SLC2A12: variants seen among roughly 807,000 people sequenced by gnomAD.
The protein encoded by SLC2A12 is solute carrier family 2 member 12.
A neutral mutation model predicts 41.8 loss-of-function variants in SLC2A12; 23 were observed. The observed-to-expected ratio is 0.55, with a 90% CI of 0.40 to 0.78. SLC2A12 has a LOEUF of 0.78. SLC2A12 is among the 30% of genes least tolerant of loss of function. SLC2A12 has a pLI of 0.00. For synonymous variants in SLC2A12, 295 were observed against 285.9 expected (o/e 1.03, Z -0.32); for missense variants, 654 against 745.6 (o/e 0.88, Z 1.43).
At position 134,028,413 on chromosome 6, in the gene SLC2A12, T is replaced by C. The variant is rs187872602; in HGVS notation, c.1412A>G (p.Tyr471Cys). The C allele has an allele frequency of 3.4e-5, 55 of 1,613,432 alleles. No individual in the cohort carries two copies. The Admixed American group carries it at 6.5e-4, about 19-fold the overall frequency. ...TAGACCAATTGAAAAAGCAGCAACA[T>C]AAACAAGCAAGCTGGCTAAGGACAG... is the stretch of plus-strand genomic sequence containing the variant. The part of the protein sequence containing the change: ...KWLSLASLLV[Y>C]VAAFSIGLGP... Residue 471 changes from tyrosine to cysteine, a missense_variant, in exon 2 of 5, where the codon TAT (tyrosine) becomes TGT (cysteine). Around this residue, in one of 3 missense-constraint regions of SLC2A12, gnomAD observed 134 missense variants for 180.5 expected, o/e 0.74. Transcript: ENST00000275230.
intron 2 of SLC2A12, among the ~76,000 whole-genome samples, chr6:134,008,044 C>A (rs1776835936): frequency 6.6e-6 from 1 of 152,190 alleles, no homozygotes; most frequent in Non-Finnish European, 1.5e-5. Context: ...TGGCCCTGCC[C>A]CAGCTCAGGC....
At chr6:133,997,827 G>T (rs1205762135) in intron 4 of SLC2A12, among the ~76,000 whole-genome samples, 1 of 152,080 alleles carries the variant, frequency 6.6e-6, no homozygotes, top group African/African-American at 2.4e-5. Context: ...AATTCTGAAA[G>T]CACCTTTTCC....
At chr6:134,023,170 A>G (rs1385820365) in intron 2 of SLC2A12, among the ~76,000 whole-genome samples, 3 of 152,086 alleles carry the variant, frequency 2.0e-5, no homozygotes, top group Non-Finnish European at 2.9e-5. Flanking sequence ...AGAGTTGGTC[A>G]CTCATTTTAG....
At position 134,029,277 on chromosome 6, in the gene SLC2A12, T is replaced by C. The variant is rs955594511; in HGVS notation, c.548A>G (p.Tyr183Cys). The C allele has an allele frequency of 3.1e-6, 5 of 1,614,060 alleles. No individual in the cohort carries two copies. The African/African-American group carries it at 5.3e-5, about 17-fold the overall frequency. ...ATTGGCAAATGCGTAATTTGAAATA[T>C]AGGCAGAAAGAATGCCGATGACAAT... ...LMIVIGILSAYISNYAFANVF... is the reference protein window; with the variant it reads ...LMIVIGILSACISNYAFANVF... The change falls in exon 2 of 5, where the codon TAT becomes TGT. Residue 183 changes from tyrosine to cysteine, a missense_variant. Transcript: ENST00000275230.
intron 4 of SLC2A12, among the ~76,000 whole-genome samples, chr6:133,999,990 T>A (rs141807332): frequency 6.6e-6 from 1 of 152,318 alleles, no homozygotes; most frequent in Non-Finnish European, 1.5e-5. Flanking sequence ...TCTGAGGCCA[T>A]TGATTATTTA....
At chr6:134,046,922 A>C (rs1777462797) in intron 1 of SLC2A12, among the ~76,000 whole-genome samples, 1 of 152,180 alleles carries the variant, frequency 6.6e-6, no homozygotes, top group Non-Finnish European at 1.5e-5. Context: ...AAACAAAATA[A>C]TACAGAAAAA....
chr6:134,033,549 A>T (rs527558512), intron 1 of SLC2A12, among the ~76,000 whole-genome samples: 1 of 152,074 alleles, frequency 6.6e-6, no homozygotes, highest in South Asian at 2.1e-4. Context: ...TGATATTCTG[A>T]TTGGAGAAAT....
At chr6:134,001,286 G>C (rs1776751273) in intron 4 of SLC2A12, among the ~76,000 whole-genome samples, 1 of 152,034 alleles carries the variant, frequency 6.6e-6, no homozygotes, top group Non-Finnish European at 1.5e-5. Context: ...AATATCACCT[G>C]TTCCCCAAAA....
chr6:133,992,350 C>A (rs929664354), intron 4 of SLC2A12, among the ~76,000 whole-genome samples: 1 of 152,040 alleles, frequency 6.6e-6, no homozygotes, highest in Non-Finnish European at 1.5e-5. Flanking sequence ...TCTCAGTGAA[C>A]TAAAAAGCAA....
Position 134,006,871 on chromosome 6 carries a change from G to T in SLC2A12, c.1508C>A (p.Thr503Asn), listed in dbSNP as rs1468578432. 6.2e-7 allele frequency: 1 copy of T among 1,614,200 alleles called. No individual in the cohort carries two copies. Among genetic ancestry groups the T allele is most frequent in the East Asian group, 2.2e-5 (1 of 44,878 alleles). The change falls in exon 3 of 5, where the codon ACT becomes AAT. Residue 503 changes from threonine (T) to asparagine (N), a missense_variant. Transcript: ENST00000275230. ...ATTGATGCCCCAGTTCATGCTAGAA[G>T]TTAAAGCCATGGCTCGTCCTCTGAT... The part of the protein sequence containing the change: ...GGIRGRAMAL[T>N]SSMNWGINLL...
At chr6:134,019,717 A>C (rs757094083) in intron 2 of SLC2A12, among the ~76,000 whole-genome samples, 1 of 152,204 alleles carries the variant, frequency 6.6e-6, no homozygotes, top group Non-Finnish European at 1.5e-5. Flanking sequence ...AATATTTTAA[A>C]TGCATTCTAG....
chr6:134,029,152 C>A lies in SLC2A12; in HGVS notation c.673G>T (p.Val225Leu), dbSNP rs202023228. 81 of 1,613,974 alleles carry A rather than the reference C, an allele frequency of 5.0e-5. No individual in the cohort carries two copies. Among genetic ancestry groups the A allele is most frequent in the Non-Finnish European group, 5.2e-5 (61 of 1,180,046 alleles). Residue 225 changes from valine (V) to leucine (L), a missense_variant, in exon 2 of 5, where the codon GTG becomes TTG. Val to Leu is a conservative substitution (Grantham distance 32). Transcript: ENST00000275230. ...YFLPPSPRFL[V>L]MKGQEGAASK... ...GCAGCTCCCTCTTGTCCTTTCATCA[C>A]CAGAAACCGAGGGCTTGGAGGAAGA...
intron 4 of SLC2A12, among the ~76,000 whole-genome samples, chr6:133,997,891 A>C (rs1382293331): frequency 6.6e-6 from 1 of 152,228 alleles, no homozygotes; most frequent in Non-Finnish European, 1.5e-5. Context: ...AGGGATTACT[A>C]CTGCTGTAAT....
At chr6:133,994,279 A>G (rs962071239) in intron 4 of SLC2A12, among the ~76,000 whole-genome samples, 6 of 152,194 alleles carry the variant, frequency 3.9e-5, no homozygotes, top group African/African-American at 1.4e-4. Context: ...TAGGTTTGAG[A>G]ACATCACAGG....
At chr6:134,023,505 G>A (rs903177081) in intron 2 of SLC2A12, among the ~76,000 whole-genome samples, 4 of 152,142 alleles carry the variant, frequency 2.6e-5, no homozygotes, top group Non-Finnish European at 5.9e-5. Flanking sequence ...GAGGGGGAAA[G>A]GTTTAGTACT....
chr6:134,040,275 C>T (rs1326532091), intron 1 of SLC2A12, among the ~76,000 whole-genome samples: 2 of 151,484 alleles, frequency 1.3e-5, no homozygotes, highest in African/African-American at 4.9e-5. Flanking sequence ...GATGGGGTTT[C>T]ATCATGTTGC....
rs188653880 is a variant in SLC2A12 at position 134,033,817 on chromosome 6, C to T, written c.104-4096G>A. Among the ~76,000 whole-genome samples, 278 of 152,226 alleles carry T rather than the reference C, an allele frequency of 1.8e-3. 2 individuals carry two copies. Among genetic ancestry groups the T allele is most frequent in the African/African-American group, 6.2e-3 (257 of 41,530 alleles). On this transcript the variant is annotated intron_variant, in intron 1 of 4. Transcript: ENST00000275230. ...AAGATGCCTTGAGATGCAGGAGTCC[C>T]TTCCTTCTGTGCTCCATTATCTTAC... is the stretch of plus-strand genomic sequence containing the variant.
At chr6:133,991,734 A>G (rs1484416969) in intron 4 of SLC2A12, among the ~76,000 whole-genome samples, 1 of 152,218 alleles carries the variant, frequency 6.6e-6, no homozygotes, top group Non-Finnish European at 1.5e-5. Context: ...GCATAAAAAG[A>G]TGCTATTGTA....
Position 134,037,900 on chromosome 6 carries a change from G to T in SLC2A12, c.104-8179C>A, listed in dbSNP as rs370040122. ...ATGTCCCAGGGAGAGTTCTGGTGTG[G>T]TGTTTCCAGCCCACCAAATGTCCAA... On this transcript the variant is annotated intron_variant, in intron 1 of 4. Transcript: ENST00000275230. Among the ~76,000 whole-genome samples the T allele has an allele frequency of 1.1e-4, 17 of 152,262 alleles. No individual in the cohort carries two copies. The South Asian group carries it at 2.1e-3, about 19-fold the overall frequency.
Sources: gnomAD v4.1 joint callset for allele counts (sites outside exome capture counted in the v4.1 genomes callset) on GRCh38, gnomAD v4.1.1 for gene constraint, gnomAD v4.1.1 regional missense constraint, MANE v1.5 for transcripts, NCBI Gene and HGNC (gene_info 2026-07-23, HGNC 2026-07-21) for gene names.